Variants in PRKAG2 observed in about 807,000 individuals in gnomAD.
The protein encoded by PRKAG2 is 5'-AMP-activated protein kinase subunit gamma-2.
PRKAG2 carries 26 observed loss-of-function variants against 69.6 expected under a neutral mutation model. The ratio of observed to expected loss-of-function variants is 0.37; its 90% confidence interval spans 0.27 to 0.52. The LOEUF is 0.52. Ranked by LOEUF, PRKAG2 falls within the 20% of genes least tolerant of loss-of-function variation. The pLI, the probability that PRKAG2 is intolerant of heterozygous loss-of-function variation, is 0.90. For synonymous variants in PRKAG2, 293 were observed against 285.0 expected (o/e 1.03, Z -0.28); for missense variants, 557 against 740.0 (o/e 0.75, Z 2.87).
At chr7:151,656,853 T>C (rs1159195525) in intron 4 of PRKAG2, among the ~76,000 whole-genome samples, 2 of 152,148 alleles carry the variant, frequency 1.3e-5, no homozygotes, top group South Asian at 4.2e-4. Context: ...AAAGCATATT[T>C]AGGCCAGGCT....
intron 3 of PRKAG2, among the ~76,000 whole-genome samples, chr7:151,687,326 GC>G (rs1254242847): frequency 8.2e-6 from 1 of 121,266 alleles, no homozygotes; most frequent in Non-Finnish European, 1.9e-5. Context: ...CACTTAGAAA[GC>G]AGTCCTGGGG....
chr7:151,735,629 G>A (rs978869275), intron 3 of PRKAG2, among the ~76,000 whole-genome samples: 5 of 152,214 alleles, frequency 3.3e-5, no homozygotes, highest in African/African-American at 1.2e-4. Context: ...ATAAATGAAT[G>A]ACAATCCAAT....
intron 3 of PRKAG2, among the ~76,000 whole-genome samples, chr7:151,776,387 G>A (rs1484461272): frequency 6.6e-6 from 1 of 150,766 alleles, no homozygotes; most frequent in Non-Finnish European, 1.5e-5. Flanking sequence ...TACCTGACAA[G>A]CCAGAAGAGT....
chr7:151,685,197 C>T (rs757561875), intron 3 of PRKAG2, among the ~76,000 whole-genome samples: 2 of 152,184 alleles, frequency 1.3e-5, no homozygotes, highest in Non-Finnish European at 2.9e-5. Flanking sequence ...CTCCACCCTC[C>T]GTGTTGGTGG....
At chr7:151,692,049 G>A (rs1168645749) in intron 3 of PRKAG2, among the ~76,000 whole-genome samples, 14 of 152,126 alleles carry the variant, frequency 9.2e-5, no homozygotes, top group African/African-American at 3.4e-4. Context: ...TTGGCTGGGT[G>A]CAGTGGCACA....
intron 9 of PRKAG2, 154 bp downstream of exon 9, chr7:151,572,510 T>C (rs550874170): frequency 2.6e-5 from 16 of 622,336 alleles, no homozygotes; most frequent in Admixed American, 2.2e-4. Context: ...TTTAGTACAG[T>C]AGCATACTAT....
intron 3 of PRKAG2, among the ~76,000 whole-genome samples, chr7:151,776,256 C>T (rs1326889687): frequency 6.6e-6 from 1 of 152,222 alleles, no homozygotes; most frequent in Non-Finnish European, 1.5e-5. Flanking sequence ...CCCACCCCAA[C>T]CTAATCAATC....
intron 6 of PRKAG2, among the ~76,000 whole-genome samples, chr7:151,593,748 G>A (rs772446905): frequency 3.3e-4 from 50 of 152,278 alleles, no homozygotes; most frequent in Non-Finnish European, 4.3e-4. Context: ...CCTTCTTTGT[G>A]TCAAATAATC....
At chr7:151,569,073 GGTTT>G (rs1806942183) in intron 10 of PRKAG2, among the ~76,000 whole-genome samples, 1 of 151,872 alleles carries the variant, frequency 6.6e-6, no homozygotes, top group Non-Finnish European at 1.5e-5. Flanking sequence ...GATTTTTTTT[GGTTT>G]GTTTTTTTGA....
intron 2 of PRKAG2, among the ~76,000 whole-genome samples, chr7:151,785,491 G>A (rs1468720541): frequency 6.6e-6 from 1 of 152,220 alleles, no homozygotes; most frequent in African/African-American, 2.4e-5. Flanking sequence ...GCAGGGTGGG[G>A]AGGGCACTGG....
At chr7:151,718,213 G>T (rs1195892964) in intron 3 of PRKAG2, among the ~76,000 whole-genome samples, 1 of 152,084 alleles carries the variant, frequency 6.6e-6, no homozygotes, top group Non-Finnish European at 1.5e-5. Context: ...TGCCAGCCCT[G>T]TTGGTTTCTG....
chr7:151,803,997 T>C (rs1271894428), intron 1 of PRKAG2, among the ~76,000 whole-genome samples: 1 of 151,796 alleles, frequency 6.6e-6, no homozygotes, highest in Non-Finnish European at 1.5e-5. Context: ...TAACAACCTG[T>C]AATTGAAGAG....
At chr7:151,577,786 A>G (rs965599442) in intron 6 of PRKAG2, among the ~76,000 whole-genome samples, 1 of 152,222 alleles carries the variant, frequency 6.6e-6, no homozygotes, top group Non-Finnish European at 1.5e-5. Flanking sequence ...AATAATTAAC[A>G]TAATTATGAT....
At chr7:151,795,383 A>G (rs1025179210) in intron 1 of PRKAG2, among the ~76,000 whole-genome samples, 9 of 152,018 alleles carry the variant, frequency 5.9e-5, no homozygotes, top group Non-Finnish European at 1.2e-4. Flanking sequence ...CCTGGGCTGC[A>G]GGTTGCCGCC....
At position 151,676,262 on chromosome 7, in the gene PRKAG2, G is replaced by A. The variant is rs896192311; in HGVS notation, c.467-625C>T. ...CTGAGGAGGGGGAGGGGGAGGGGAC[G>A]GGAGGGGAGGGGAGGGGAGGGGATG... On this transcript the variant is annotated intron_variant, in intron 3 of 15. Transcript: ENST00000287878. Among the ~76,000 whole-genome samples the A allele has an allele frequency of 7.6e-5, 11 of 144,820 alleles. No homozygotes were observed. The South Asian group carries it at 8.9e-4, about 12-fold the overall frequency.
rs1797095438 is a variant in PRKAG2 at position 151,721,428 on chromosome 7, T to G, written c.467-45791A>C. On this transcript the variant is annotated intron_variant, in intron 3 of 15. Transcript: ENST00000287878. ...GCCGGGGCCGAGGCCAGCACAGCGC[T>G]ATGGGGCCCAGCTGGGGTGCCTGAG... Among the ~76,000 whole-genome samples the G allele has an allele frequency of 2.0e-5, 3 of 146,580 alleles. No homozygotes were observed. In the South Asian group the frequency reaches 6.9e-4, roughly 34 times the overall value.
chr7:151,736,294 T>C, intron 3 of PRKAG2: 3 of 1,220,100 alleles, frequency 2.5e-6, no homozygotes, highest in East Asian at 3.7e-5. Context: ...TGTCCTTAAG[T>C]AGCAAGAAGC....
chr7:151,686,728 C>T (rs1343522317), intron 3 of PRKAG2, among the ~76,000 whole-genome samples: 2 of 152,210 alleles, frequency 1.3e-5, no homozygotes, highest in Non-Finnish European at 2.9e-5. Flanking sequence ...CCCTTTATAG[C>T]TGAATGGCCC....
chr7:151,827,752 A>C, intron 1 of PRKAG2, among the ~76,000 whole-genome samples: 1 of 144,722 alleles, frequency 6.9e-6, no homozygotes, highest in African/African-American at 2.5e-5. Context: ...AGGTAAAAAA[A>C]AAAAAAAAAA....
Sources: allele counts gnomAD v4.1 joint callset (sites outside exome capture counted in the v4.1 genomes callset), GRCh38; gene constraint gnomAD v4.1.1; transcripts MANE v1.5; gene names NCBI Gene and HGNC (gene_info 2026-07-23, HGNC 2026-07-21).